The following DENND4C variants were observed in gnomAD, a reference collection of about 807,000 sequenced individuals.
DENND4C encodes DENN domain-containing protein 4C.
Under a neutral mutation model 203.0 loss-of-function variants are expected in DENND4C, and 108 were observed. The observed-to-expected ratio is 0.53, with a 90% CI of 0.46 to 0.62. DENND4C has a LOEUF of 0.62. Among genes scored for constraint, DENND4C ranks in the 20% least tolerant of loss-of-function variants. DENND4C has a pLI of 0.00. For missense variants in DENND4C, 2,481 were observed against 2,301.2 expected (o/e 1.08, Z -1.60); for synonymous variants, 871 against 792.4 (o/e 1.10, Z -1.67).
At position 19,276,190 on chromosome 9, in the gene DENND4C, G is replaced by C; in HGVS notation, c.16G>C (p.Gly6Arg). The part of the protein sequence containing the change: MIEDK[G>R]PRVTDYFVVA... ...AGTAGCAGCCATGATAGAAGACAAAGGACCAAGAGTGACAGACTACTTTGT... is the reference window on the plus strand; with the variant it reads ...AGTAGCAGCCATGATAGAAGACAAACGACCAAGAGTGACAGACTACTTTGT... Residue 6 changes from glycine to arginine, a missense_variant, in exon 2 of 33, where the codon GGA becomes CGA. Physicochemically the swap from Gly to Arg is moderately radical, Grantham distance 125. Transcript: ENST00000434457. 2.4e-6 allele frequency: 3 copies of C among 1,232,038 alleles called. No individual in the cohort carries two copies. Among genetic ancestry groups the C allele is most frequent in the Non-Finnish European group, 3.0e-6 (3 of 987,892 alleles). The allele number at this position is 1,232,038 out of a possible 1,614,324, so 76.3% of individuals were successfully genotyped here. A position where few individuals can be genotyped will look rare whatever the true frequency, so the allele number is the denominator to read the frequency against.
At chr9:19,354,139 A>C (rs559177031) in intron 26 of DENND4C, among the ~76,000 whole-genome samples, 9 of 152,280 alleles carry the variant, frequency 5.9e-5, no homozygotes, top group Non-Finnish European at 1.2e-4. Context: ...AATCTGGGTT[A>C]CTATATGTAC....
chr9:19,316,956 T>G (rs1841957147), intron 12 of DENND4C, 117 bp downstream of exon 12: 1 of 929,052 alleles, frequency 1.1e-6, no homozygotes, highest in Non-Finnish European at 1.5e-6. Flanking sequence ...TCAAATATAA[T>G]GAACCTCCAT....
chr9:19,249,088 G>A (rs1825942821), intron 1 of DENND4C, among the ~76,000 whole-genome samples: 1 of 152,026 alleles, frequency 6.6e-6, no homozygotes, highest in Non-Finnish European at 1.5e-5. Flanking sequence ...ACCATGCCCG[G>A]CCACACAGCA....
intron 30 of DENND4C, among the ~76,000 whole-genome samples, chr9:19,363,226 C>T (rs1373255868): frequency 6.6e-6 from 1 of 152,078 alleles, no homozygotes; most frequent in Non-Finnish European, 1.5e-5. Context: ...AGGTTAGGGC[C>T]CCACTTGGCC....
rs72698376 is a variant in DENND4C, at chr9:19,243,117, A to G, written c.-18+12284A>G. Among the ~76,000 whole-genome samples the G allele has an allele frequency of 5.4e-3, 827 of 152,302 alleles. 15 individuals carry two copies. The highest frequency in any genetic ancestry group is 0.027 in the Middle Eastern group (8 of 294). On this transcript the variant is annotated intron_variant, in intron 1 of 32. Transcript: ENST00000434457. Reference sequence around the variant, plus strand: ...GATTTTAATCACCCCAGAAAGAACCATTGTATACATTAGCAGTCACTCTCC... The same window carrying G: ...GATTTTAATCACCCCAGAAAGAACCGTTGTATACATTAGCAGTCACTCTCC...
chr9:19,351,645 A>G (rs1424524673), intron 24 of DENND4C, among the ~76,000 whole-genome samples: 1 of 152,030 alleles, frequency 6.6e-6, no homozygotes, highest in Non-Finnish European at 1.5e-5. Flanking sequence ...TCTCTACTAA[A>G]ATACAAAAAA....
chr9:19,319,377 C>CAT (rs1243101317), intron 12 of DENND4C, among the ~76,000 whole-genome samples: 1 of 109,852 alleles, frequency 9.1e-6, no homozygotes, highest in Non-Finnish European at 1.9e-5. Context: ...TATATATACA[C>CAT]ATACATATAT....
chr9:19,328,526 T>C (rs1818327207), intron 16 of DENND4C, among the ~76,000 whole-genome samples: 1 of 152,060 alleles, frequency 6.6e-6, no homozygotes. Flanking sequence ...GGCAGGAGAA[T>C]CGCTTGAACC....
At chr9:19,314,301 A>G (rs1841341332) in intron 10 of DENND4C, among the ~76,000 whole-genome samples, 1 of 151,722 alleles carries the variant, frequency 6.6e-6, no homozygotes, top group Admixed American at 6.6e-5. Flanking sequence ...AAAAATACAA[A>G]AAATTAGCTG....
intron 21 of DENND4C, among the ~76,000 whole-genome samples, chr9:19,341,461 C>T (rs1158117289): frequency 6.6e-6 from 1 of 151,928 alleles, no homozygotes. Context: ...AGGCACGTGC[C>T]ACCACACCCA....
chr9:19,339,117 A>T (rs895969596), intron 20 of DENND4C, among the ~76,000 whole-genome samples: 1 of 152,156 alleles, frequency 6.6e-6, no homozygotes, highest in African/African-American at 2.4e-5. Context: ...TATTATTTTC[A>T]TTCTGCATGC....
At chr9:19,325,564 A>G (rs1162405339) in intron 13 of DENND4C, among the ~76,000 whole-genome samples, 1 of 152,142 alleles carries the variant, frequency 6.6e-6, no homozygotes, top group African/African-American at 2.4e-5. Flanking sequence ...ACTATTCAAC[A>G]TTTTTGTTTA....
intron 1 of DENND4C, among the ~76,000 whole-genome samples, chr9:19,252,511 G>A (rs1284047171): frequency 6.6e-6 from 1 of 152,164 alleles, no homozygotes; most frequent in Non-Finnish European, 1.5e-5. Context: ...GAGCCCAGGA[G>A]TCTAAGGCTG....
chr9:19,294,312 G>A (rs61522156), intron 5 of DENND4C, among the ~76,000 whole-genome samples: 3,285 of 152,112 alleles, frequency 0.022, 128 homozygotes, highest in African/African-American at 0.075. Context: ...TAGCCAGAAA[G>A]CAGAGAAATT....
At chr9:19,293,879 C>T (rs1033227519) in intron 5 of DENND4C, among the ~76,000 whole-genome samples, 1 of 152,142 alleles carries the variant, frequency 6.6e-6, no homozygotes, top group African/African-American at 2.4e-5. Flanking sequence ...AATACTTTCT[C>T]TTCTGACTTG....
At chr9:19,370,943 T>G (rs1828709408) in intron 31 of DENND4C, among the ~76,000 whole-genome samples, 1 of 152,214 alleles carries the variant, frequency 6.6e-6, no homozygotes. Flanking sequence ...AATGGATGGA[T>G]CCATTTTTAC....
intron 23 of DENND4C, 129 bp downstream of exon 23, chr9:19,347,215 C>A: frequency 1.2e-6 from 1 of 856,096 alleles, no homozygotes; most frequent in Non-Finnish European, 1.8e-6. Flanking sequence ...TTTTGGCTGT[C>A]TGCAACCTCT....
At position 19,276,242 on chromosome 9, in the gene DENND4C, C is replaced by T. The variant is rs1370179018; in HGVS notation, c.68C>T (p.Thr23Ile). ...FVVAGLTDTS[T>I]LLDQEINRLD... ...GTAGCTGGTCTCACTGACACATCTA[C>T]TCTTTTGGATCAAGAAATAAATCGT... is the stretch of plus-strand genomic sequence containing the variant. Residue 23 changes from threonine (T) to isoleucine (I), a missense_variant, in exon 2 of 33, where the codon ACT becomes ATT. This residue lies in a region of DENND4C where 187 missense variants were observed against 167.4 expected (regional missense o/e 1.12). Coordinates refer to ENST00000434457, the MANE Select transcript of DENND4C (RefSeq NM_001330640.2). The T allele has an allele frequency of 1.1e-5, 14 of 1,231,994 alleles. No individual in the cohort carries two copies. Among genetic ancestry groups the T allele is most frequent in the Admixed American group, 4.2e-5 (1 of 23,694 alleles). 76.3% of individuals were successfully genotyped at this position (1,231,994 alleles called of 1,614,324 possible). A position where few individuals can be genotyped will look rare whatever the true frequency, so the allele number is the denominator to read the frequency against.
intron 21 of DENND4C, among the ~76,000 whole-genome samples, chr9:19,342,277 A>C (rs897145454): frequency 6.6e-6 from 1 of 152,204 alleles, no homozygotes; most frequent in African/African-American, 2.4e-5. Flanking sequence ...CTCTATCACA[A>C]AAGTGTACTT....
Sources: gnomAD v4.1 joint callset for allele counts (sites outside exome capture counted in the v4.1 genomes callset) on GRCh38, gnomAD v4.1.1 for gene constraint, gnomAD v4.1.1 regional missense constraint, MANE v1.5 for transcripts, NCBI Gene and HGNC (gene_info 2026-07-23, HGNC 2026-07-21) for gene names.